Variants in AMMECR1 observed in about 807,000 individuals in gnomAD.
AMMECR1 encodes AMMECR nuclear protein 1.
Under a neutral mutation model 22.5 loss-of-function variants are expected in AMMECR1, and 3 were observed. That is an observed-to-expected ratio of 0.13 (90% CI 0.06 to 0.35). AMMECR1 has a LOEUF of 0.35. Ranked by LOEUF, AMMECR1 falls within the 10% of genes least tolerant of loss-of-function variation. The pLI is 1.00. For missense variants in AMMECR1, 235 were observed against 278.7 expected, an observed-to-expected ratio of 0.84 and a Z score of 1.12; for synonymous variants, 130 against 116.7, an observed-to-expected ratio of 1.11 and a Z score of -0.74.
intron 1 of AMMECR1, among the ~76,000 whole-genome samples, chrX:110,277,999 G>C (rs2067834761): frequency 8.9e-6 from 1 of 111,816 alleles, no homozygotes; most frequent in African/African-American, 3.3e-5. Context: ...TGTGTATTCT[G>C]TTATCGCTAT....
chrX:110,307,577 G>A (rs1236806397), intron 1 of AMMECR1, among the ~76,000 whole-genome samples: 1 of 111,150 alleles, frequency 9.0e-6, no homozygotes, highest in Non-Finnish European at 1.9e-5. Context: ...AAATATACAG[G>A]CCTAAAAAGA....
At chrX:110,381,812 T>C (rs1298881979) in intron 2 of AMMECR1, among the ~76,000 whole-genome samples, 1 of 109,714 alleles carries the variant, frequency 9.1e-6, no homozygotes, top group South Asian at 4.0e-4. Flanking sequence ...AGCAAATTAA[T>C]GCAAAAAAAA....
intron 1 of AMMECR1, among the ~76,000 whole-genome samples, chrX:110,436,049 A>G (rs377179077): frequency 1.8e-5 from 2 of 112,798 alleles, no homozygotes; most frequent in East Asian, 2.8e-4. Flanking sequence ...AAGGTCTTCT[A>G]TAGCCCCAAC....
upstream of AMMECR1, among the ~76,000 whole-genome samples, chrX:110,321,279 A>G (rs999199028): frequency 9.1e-6 from 1 of 110,244 alleles, no homozygotes; most frequent in Non-Finnish European, 1.9e-5. Flanking sequence ...CAGTGATAAT[A>G]CCCTCCAGAG....
chrX:110,424,387 A>G (rs183321586), intron 2 of AMMECR1, among the ~76,000 whole-genome samples: 1 of 111,730 alleles, frequency 9.0e-6, no homozygotes, highest in East Asian at 2.8e-4. Flanking sequence ...GCATTTTTCC[A>G]GCACTCCTAG....
chrX:110,207,015 C>T (rs193119098), intron 3 of AMMECR1, among the ~76,000 whole-genome samples: 149 of 112,014 alleles, frequency 1.3e-3, no homozygotes, highest in African/African-American at 4.6e-3. Flanking sequence ...TGACCTGCCA[C>T]GCTCAATATG....
chrX:110,435,488 A>G (rs2068832367), intron 1 of AMMECR1, among the ~76,000 whole-genome samples: 1 of 112,067 alleles, frequency 8.9e-6, no homozygotes, highest in Non-Finnish European at 1.9e-5. Flanking sequence ...TAACACTTTA[A>G]TTAGACCTAG....
chrX:110,340,253 C>T (rs181725326), intron 2 of AMMECR1, among the ~76,000 whole-genome samples: 16 of 111,471 alleles, frequency 1.4e-4, no homozygotes, highest in Non-Finnish European at 1.9e-4. Context: ...TCCTGACATA[C>T]GGTAAACACT....
At chrX:110,314,622 T>G (rs1055365527) in intron 1 of AMMECR1, among the ~76,000 whole-genome samples, 3 of 112,070 alleles carry the variant, frequency 2.7e-5, no homozygotes, top group African/African-American at 9.7e-5. Context: ...CCCTTTATAG[T>G]AGCAAACAGG....
chrX:110,413,021 C>T (rs769375799), intron 2 of AMMECR1, among the ~76,000 whole-genome samples: 5 of 111,928 alleles, frequency 4.5e-5, no homozygotes, highest in Non-Finnish European at 9.4e-5. Context: ...TCCCACCAGG[C>T]TTCACATCCC....
At chrX:110,259,972 T>G (rs2067731643) in intron 2 of AMMECR1, among the ~76,000 whole-genome samples, 1 of 111,426 alleles carries the variant, frequency 9.0e-6, no homozygotes, top group African/African-American at 3.3e-5. Context: ...GTACTAAAAT[T>G]GGGGAAATGA....
intron 2 of AMMECR1, among the ~76,000 whole-genome samples, chrX:110,333,904 A>G (rs1022256341): frequency 9.1e-5 from 10 of 110,285 alleles, no homozygotes; most frequent in African/African-American, 3.3e-4. Context: ...GCAGCAAACC[A>G]CCATGGCACG....
At chrX:110,404,292 T>G (rs1195551056) in intron 2 of AMMECR1, among the ~76,000 whole-genome samples, 2 of 111,861 alleles carry the variant, frequency 1.8e-5, no homozygotes, top group African/African-American at 6.5e-5. Context: ...TCTTCTGAAG[T>G]CTTTACAGGT....
At chrX:110,275,544 C>T (rs937892245) in intron 1 of AMMECR1, among the ~76,000 whole-genome samples, 2 of 111,091 alleles carry the variant, frequency 1.8e-5, no homozygotes, top group African/African-American at 3.3e-5. Flanking sequence ...ATTATAATTG[C>T]TTTAGGCCAG....
intron 2 of AMMECR1, among the ~76,000 whole-genome samples, chrX:110,372,523 C>T (rs910223188): frequency 2.7e-5 from 3 of 111,247 alleles, no homozygotes; most frequent in Non-Finnish European, 3.8e-5. Flanking sequence ...TAACAACACA[C>T]CTGTCTTTCT....
intron 2 of AMMECR1, among the ~76,000 whole-genome samples, chrX:110,248,747 T>C (rs1330993943): frequency 2.7e-5 from 3 of 112,546 alleles, no homozygotes; most frequent in Admixed American, 9.4e-5. Flanking sequence ...TTTTGGCCAG[T>C]TGAAGAGAAT....
chrX:110,424,358 C>T (rs2068739657), intron 2 of AMMECR1, among the ~76,000 whole-genome samples: 2 of 111,772 alleles, frequency 1.8e-5, no homozygotes, highest in Admixed American at 1.9e-4. Context: ...TGTTTCTCCT[C>T]CTCTATTTAT....
intron 2 of AMMECR1, among the ~76,000 whole-genome samples, chrX:110,393,922 C>T (rs2068511650): frequency 1.8e-5 from 2 of 112,123 alleles, no homozygotes; most frequent in African/African-American, 3.2e-5. Flanking sequence ...AATGAAAACT[C>T]GTAAAGTACA....
chrX:110,300,282 T>C (rs1481852805), intron 1 of AMMECR1, among the ~76,000 whole-genome samples: 1 of 112,350 alleles, frequency 8.9e-6, no homozygotes, highest in Non-Finnish European at 1.9e-5. Context: ...TGATGATTAG[T>C]GATGTTGAGC....
Sources: gnomAD v4.1 joint callset for allele counts (sites outside exome capture counted in the v4.1 genomes callset) on GRCh38, gnomAD v4.1.1 for gene constraint, MANE v1.5 for transcripts, NCBI Gene and HGNC (gene_info 2026-07-23, HGNC 2026-07-21) for gene names.